The following NAV3 variants were observed in gnomAD, a reference collection of about 807,000 sequenced individuals.
NAV3 encodes pore membrane and/or filament interacting like protein 1.
Under a neutral mutation model 244.7 loss-of-function variants are expected in NAV3, and 87 were observed. That is an observed-to-expected ratio of 0.36 (90% CI 0.30 to 0.42). The LOEUF (loss-of-function observed/expected upper bound fraction) is 0.42, where lower values mean the gene tolerates loss of function less well. Ranked by LOEUF, NAV3 falls within the 20% of genes least tolerant of loss-of-function variation. The probability of loss-of-function intolerance (pLI) is 1.00; values close to 1 mark genes in which losing one functional copy is unlikely to be tolerated. For synonymous variants in NAV3, 1,126 were observed against 1,042.2 expected (o/e 1.08, Z -1.55); for missense variants, 2,663 against 2,893.3 (o/e 0.92, Z 1.83).
chr12:77,679,349 A>G (rs1242169806), intron 2 of NAV3, among the ~76,000 whole-genome samples: 1 of 152,152 alleles, frequency 6.6e-6, no homozygotes, highest in African/African-American at 2.4e-5. Context: ...ATGGAGGGAG[A>G]TGGATAAGAG....
intron 2 of NAV3, among the ~76,000 whole-genome samples, chr12:77,717,687 C>G (rs147852364): frequency 6.6e-6 from 1 of 152,012 alleles, no homozygotes; most frequent in African/African-American, 2.4e-5. Context: ...GTTTTCCATA[C>G]TGGCTGCATT....
intron 2 of NAV3, among the ~76,000 whole-genome samples, chr12:77,623,105 T>G (rs1241022333): frequency 2.6e-5 from 4 of 152,216 alleles, no homozygotes; most frequent in Non-Finnish European, 5.9e-5. Flanking sequence ...GTGTCTGTTT[T>G]GGATGTCTTG....
In NAV3 at chr12:77,780,138, G is replaced by A. The variant is rs1044957162; in HGVS notation, c.73-160181G>A. ...CAGACAAAGTTGCAGAGGAAGTGGA[G>A]CGAGGCGCACGGGTGAGCAGAATAT... On this transcript the variant is annotated intron_variant, in intron 2 of 8. Transcript: ENST00000550042. Among the ~76,000 whole-genome samples the A allele has an allele frequency of 3.5e-4, 53 of 152,264 alleles. 1 individual carries two copies. The highest frequency in any genetic ancestry group is 3.4e-3 in the Middle Eastern group (1 of 294).
At chr12:77,689,927 C>A (rs1874928142) in intron 2 of NAV3, among the ~76,000 whole-genome samples, 1 of 151,516 alleles carries the variant, frequency 6.6e-6, no homozygotes, top group South Asian at 2.1e-4. Context: ...GTTACAGTAC[C>A]CATCTGTAAA....
At chr12:78,003,462 T>C (rs1203229180) in intron 7 of NAV3, among the ~76,000 whole-genome samples, 1 of 152,220 alleles carries the variant, frequency 6.6e-6, no homozygotes, top group Non-Finnish European at 1.5e-5. Flanking sequence ...GGTGCTTTTG[T>C]CATCATTTTT....
intron 7 of NAV3, among the ~76,000 whole-genome samples, chr12:78,002,945 C>T (rs1405877517): frequency 6.6e-6 from 1 of 151,578 alleles, no homozygotes; most frequent in Non-Finnish European, 1.5e-5. Flanking sequence ...GAGGTGTCCA[C>T]AAAGTATATA....
At chr12:78,003,500 G>A (rs1037458920) in intron 7 of NAV3, among the ~76,000 whole-genome samples, 3 of 152,136 alleles carry the variant, frequency 2.0e-5, no homozygotes, top group Non-Finnish European at 2.9e-5. Flanking sequence ...TTCAGAGTTG[G>A]AACCTAGTTT....
intron 18 of NAV3, among the ~76,000 whole-genome samples, chr12:78,131,882 A>G (rs1317224074): frequency 6.6e-6 from 1 of 152,214 alleles, no homozygotes; most frequent in East Asian, 1.9e-4. Context: ...ATAGAGTAGC[A>G]TTCATCAGAT....
At chr12:77,905,925 C>T (rs1224801344) in intron 1 of NAV3, among the ~76,000 whole-genome samples, 1 of 152,142 alleles carries the variant, frequency 6.6e-6, no homozygotes, top group African/African-American at 2.4e-5. Context: ...CCATCACTTT[C>T]GTGAGTACCG....
At chr12:77,759,050 C>T (rs1869334575) in intron 2 of NAV3, among the ~76,000 whole-genome samples, 1 of 152,180 alleles carries the variant, frequency 6.6e-6, no homozygotes, top group East Asian at 1.9e-4. Flanking sequence ...GCGTTTGTGG[C>T]TAGCAGCTGC....
intron 33 of NAV3, among the ~76,000 whole-genome samples, chr12:78,189,588 A>G (rs969640413): frequency 8.6e-5 from 13 of 151,218 alleles, no homozygotes; most frequent in African/African-American, 2.4e-4. Flanking sequence ...GTGTGTGTGT[A>G]TATAATCTTC....
At chr12:77,645,765 C>T (rs140458488) in intron 2 of NAV3, among the ~76,000 whole-genome samples, 183 of 152,140 alleles carry the variant, frequency 1.2e-3, no homozygotes, top group African/African-American at 4.3e-3. Context: ...AAGACGGAAG[C>T]TCCATAGGTG....
intron 3 of NAV3, among the ~76,000 whole-genome samples, chr12:77,948,195 TA>T (rs1181843978): frequency 3.9e-5 from 6 of 152,028 alleles, no homozygotes; most frequent in Admixed American, 2.0e-4. Context: ...AGAAATTAAA[TA>T]AAAGTTAAAA....
chr12:77,822,613 T>C (rs1210062046), intron 2 of NAV3, among the ~76,000 whole-genome samples: 1 of 152,202 alleles, frequency 6.6e-6, no homozygotes, highest in Non-Finnish European at 1.5e-5. Flanking sequence ...GTATATCTTA[T>C]CTTATTTTTT....
intron 2 of NAV3, among the ~76,000 whole-genome samples, chr12:77,678,120 T>C (rs984835839): frequency 6.6e-6 from 1 of 152,148 alleles, no homozygotes; most frequent in Admixed American, 6.6e-5. Flanking sequence ...TATAGATTTA[T>C]AAATAAATGA....
intron 1 of NAV3, among the ~76,000 whole-genome samples, chr12:77,872,180 T>A (rs1191700659): frequency 6.6e-6 from 1 of 152,144 alleles, no homozygotes; most frequent in Non-Finnish European, 1.5e-5. Flanking sequence ...GTAACAAATT[T>A]ACTTGAAATT....
chr12:78,071,696 A>G (rs1266251792), intron 12 of NAV3, among the ~76,000 whole-genome samples: 5 of 152,146 alleles, frequency 3.3e-5, no homozygotes, highest in Admixed American at 2.6e-4. Flanking sequence ...ACATATGGCT[A>G]GCCAGTTTTC....
chr12:78,048,190 C>T (rs1566059773), intron 9 of NAV3, among the ~76,000 whole-genome samples: 1 of 152,108 alleles, frequency 6.6e-6, no homozygotes, highest in African/African-American at 2.4e-5. Context: ...TTTGTTATTA[C>T]CCACCTTCTA....
At chr12:78,131,921 A>G (rs1565698509) in intron 18 of NAV3, among the ~76,000 whole-genome samples, 1 of 152,152 alleles carries the variant, frequency 6.6e-6, no homozygotes, top group Non-Finnish European at 1.5e-5. Flanking sequence ...CATTTAATTG[A>G]GTAGTAATTC....
Sources: allele counts gnomAD v4.1 joint callset (sites outside exome capture counted in the v4.1 genomes callset), GRCh38; gene constraint gnomAD v4.1.1; transcripts MANE v1.5; gene names NCBI Gene and HGNC (gene_info 2026-07-23, HGNC 2026-07-21).